The following DMTF1 variants were observed in gnomAD, a reference collection of about 807,000 sequenced individuals.
The protein encoded by DMTF1 is cyclin-D-binding Myb-like transcription factor 1.
A neutral mutation model predicts 91.1 loss-of-function variants in DMTF1; 39 were observed. The observed-to-expected ratio is 0.43, with a 90% CI of 0.33 to 0.56. The LOEUF is 0.56. Among genes scored for constraint, DMTF1 ranks in the 20% least tolerant of loss-of-function variants. DMTF1 has a pLI of 0.05. For synonymous variants in DMTF1, 338 were observed against 309.5 expected (o/e 1.09, Z -0.97); for missense variants, 750 against 914.5 (o/e 0.82, Z 2.32).
chr7:87,157,523 G>T (rs1791073410), intron 1 of DMTF1, among the ~76,000 whole-genome samples: 1 of 152,054 alleles, frequency 6.6e-6, no homozygotes, highest in African/African-American at 2.4e-5. Flanking sequence ...GTTTTTAGAA[G>T]ATATTCAACA....
intron 1 of DMTF1, among the ~76,000 whole-genome samples, chr7:87,158,908 T>G (rs1791487586): frequency 6.6e-6 from 1 of 152,132 alleles, no homozygotes; most frequent in Non-Finnish European, 1.5e-5. Context: ...AAAAGTTGTA[T>G]TTTTCAATCA....
At chr7:87,162,784 G>T (rs911375901) in intron 1 of DMTF1, 6 of 149,652 alleles carry the variant, frequency 4.0e-5, no homozygotes, top group Admixed American at 3.3e-4. Context: ...AATTTTTGCT[G>T]AAACGTCCCC....
intron 2 of DMTF1, chr7:87,164,248 C>T (rs942541705): frequency 5.3e-5 from 8 of 152,086 alleles, no homozygotes; most frequent in African/African-American, 1.9e-4. Context: ...CCTTTCCCCC[C>T]ACTAGCCATG....
At chr7:87,167,686 CAG>C (rs1263992116) in intron 4 of DMTF1, among the ~76,000 whole-genome samples, 7 of 152,136 alleles carry the variant, frequency 4.6e-5, no homozygotes, top group African/African-American at 1.4e-4. Context: ...AATTGAAAAA[CAG>C]TGTTAATATT....
At chr7:87,175,395 T>G (rs1796063115) in intron 7 of DMTF1, among the ~76,000 whole-genome samples, 1 of 152,236 alleles carries the variant, frequency 6.6e-6, no homozygotes. Flanking sequence ...AAATTTAGTT[T>G]ATTTTCTTAT....
At position 87,178,160 on chromosome 7, in the gene DMTF1, A is replaced by G. The variant is rs576755808; in HGVS notation, c.520-1385A>G. On this transcript the variant is annotated intron_variant, in intron 7 of 17. Transcript: ENST00000331242. Reference sequence around the variant, plus strand: ...GTTCCTCTTCAGTATCAAGTTTTATATTTTCCTCCATAAAGGACATTGATA... The same window carrying G: ...GTTCCTCTTCAGTATCAAGTTTTATGTTTTCCTCCATAAAGGACATTGATA... Among the ~76,000 whole-genome samples, 15 of 152,144 alleles carry G rather than the reference A, an allele frequency of 9.9e-5. No homozygotes were observed. In the East Asian group the frequency reaches 2.7e-3, roughly 27 times the overall value.
rs990301876 is a variant in DMTF1, at chr7:87,194,702, A to G, written c.2047A>G (p.Ile683Val). 1.2e-5 allele frequency: 20 copies of G among 1,609,108 alleles called. No homozygotes were observed. Among genetic ancestry groups the G allele is most frequent in the Middle Eastern group, 1.7e-4 (1 of 6,060 alleles). The change falls in exon 17 of 18, where the codon ATA (isoleucine) becomes GTA (valine). Residue 683 changes from isoleucine (I) to valine (V), a missense_variant. By Grantham distance (29) the Ile-to-Val change is conservative. This residue lies in a region of DMTF1 where 410 missense variants were observed against 420.2 expected (regional missense o/e 0.98). Coordinates refer to ENST00000331242, the MANE Select transcript of DMTF1 (RefSeq NM_001142327.2). The part of the protein sequence containing the change: ...YVTEGLESPT[I>V]EEQVDQTIDD... ...TATTTAGGGTTTAGAGTCTCCCACT[A>G]TAGAAGAACAAGTTGATCAAACAAT...
intron 13 of DMTF1, 111 bp from the exon 14 acceptor site, chr7:87,190,834 T>C (rs2129185406): frequency 2.5e-6 from 2 of 787,732 alleles, no homozygotes; most frequent in East Asian, 5.9e-5. Context: ...CCAGGCAAAT[T>C]ATTCAATATT....
At chr7:87,166,923 T>C (rs1278535823) in intron 4 of DMTF1, among the ~76,000 whole-genome samples, 1 of 152,222 alleles carries the variant, frequency 6.6e-6, no homozygotes, top group African/African-American at 2.4e-5. Flanking sequence ...TATTTCTTAA[T>C]GTACTGTCTG....
At chr7:87,184,370 G>A in intron 10 of DMTF1, 27 bp from the exon 11 acceptor site, 2 of 1,598,064 alleles carry the variant, frequency 1.3e-6, no homozygotes, top group Non-Finnish European at 8.6e-7. Flanking sequence ...GTTAGCAGTG[G>A]TAGTCTGGAT....
At chr7:87,186,151 T>C (rs1232805603) in intron 12 of DMTF1, 171 bp downstream of exon 12, 3 of 643,590 alleles carry the variant, frequency 4.7e-6, no homozygotes. Context: ...GAAGAGTTAA[T>C]ACTGTTTGTA....
intron 1 of DMTF1, chr7:87,155,532 A>G (rs888837951): frequency 3.9e-5 from 6 of 152,200 alleles, no homozygotes; most frequent in Non-Finnish European, 7.4e-5. Flanking sequence ...GTAATTGCCA[A>G]ATATTAAAGA....
chr7:87,173,442 G>A (rs1413541001), intron 5 of DMTF1, 93 bp from the exon 6 acceptor site: 1 of 667,486 alleles, frequency 1.5e-6, no homozygotes, highest in Non-Finnish European at 2.5e-6. Flanking sequence ...ATAATGCTTA[G>A]CATTACAAAG....
chr7:87,172,390 A>T (rs1795273845), intron 5 of DMTF1, among the ~76,000 whole-genome samples: 1 of 152,218 alleles, frequency 6.6e-6, no homozygotes, highest in African/African-American at 2.4e-5. Context: ...TAAACACACT[A>T]TATGTATTAC....
intron 1 of DMTF1, chr7:87,163,186 A>G (rs936263936): frequency 3.3e-5 from 5 of 151,426 alleles, no homozygotes; most frequent in Admixed American, 6.6e-5. Context: ...ACCACAGTCT[A>G]CAGTTCATAG....
intron 1 of DMTF1, among the ~76,000 whole-genome samples, chr7:87,153,569 C>T (rs958313818): frequency 2.6e-5 from 4 of 152,024 alleles, no homozygotes; most frequent in African/African-American, 7.2e-5. Context: ...AGGACTCCTC[C>T]CTTTCTCTCA....
At chr7:87,153,231 ACT>A (rs1457037200) in intron 1 of DMTF1, among the ~76,000 whole-genome samples, 4 of 151,544 alleles carry the variant, frequency 2.6e-5, no homozygotes, top group East Asian at 1.9e-4. Flanking sequence ...TCTCAGTCTG[ACT>A]CTCTTTAAAG....
chr7:87,182,360 C>G (rs764541816), intron 10 of DMTF1, 23 bp downstream of exon 10: 5 of 1,612,588 alleles, frequency 3.1e-6, no homozygotes, highest in Non-Finnish European at 8.5e-7. Flanking sequence ...CTACTGGTAG[C>G]GTTTTCTTGT....
intron 4 of DMTF1, among the ~76,000 whole-genome samples, chr7:87,166,982 AT>A (rs905242634): frequency 2.1e-4 from 32 of 152,168 alleles, no homozygotes; most frequent in African/African-American, 7.2e-4. Flanking sequence ...TGTCACATGC[AT>A]TTCCCCCTAC....
Sources: allele counts gnomAD v4.1 joint callset (sites outside exome capture counted in the v4.1 genomes callset), GRCh38; gene constraint gnomAD v4.1.1; regional missense constraint gnomAD v4.1.1; transcripts MANE v1.5; gene names NCBI Gene and HGNC (gene_info 2026-07-23, HGNC 2026-07-21).